The following NABP2 variants were observed in gnomAD, a reference collection of about 807,000 sequenced individuals.
NABP2 encodes the protein SOSS complex subunit B1.
Under a neutral mutation model 22.7 loss-of-function variants are expected in NABP2, and 7 were observed. The ratio of observed to expected loss-of-function variants is 0.31; its 90% CI spans 0.18 to 0.58. The LOEUF is 0.58. NABP2 is among the 20% of genes least tolerant of loss of function. NABP2 has a pLI of 0.89. For synonymous variants in NABP2, 107 were observed against 99.2 expected, an observed-to-expected ratio of 1.08 and a Z score of -0.47; for missense variants, 188 against 265.9, an observed-to-expected ratio of 0.71 and a Z score of 2.04.
Position 56,224,392 on chromosome 12 carries a change from TC to T in NABP2, c.-68del. On this transcript the variant is annotated 5_prime_UTR_variant, in exon 1 of 7. Coordinates refer to ENST00000267023, the MANE Select transcript of NABP2 (RefSeq NM_024068.4). ...ATCCGGCGGCAGCGGAGCCTGTGGC[TC>T]CCCCTGCGGGCTGCTCAGCGGCGTG... 1.0e-6 allele frequency: 1 copy of T among 990,916 alleles called. No individual in the cohort carries two copies. Among genetic ancestry groups the T allele is most frequent in the Non-Finnish European group, 1.2e-6 (1 of 832,038 alleles). The allele number at this position is 990,916 out of a possible 1,614,324, so 61.4% of individuals were successfully genotyped here. A position where few individuals can be genotyped will look rare whatever the true frequency, so the allele number is the denominator to read the frequency against.
intron 6 of NABP2, 106 bp downstream of exon 6, chr12:56,226,525 T>G (rs1869773255): frequency 1.0e-6 from 1 of 968,002 alleles, no homozygotes; most frequent in East Asian, 2.5e-5. Flanking sequence ...CTTTTCTCAG[T>G]GTATCCTCCT....
Position 56,229,251 on chromosome 12 carries a change from A to G in NABP2, c.*38A>G, listed in dbSNP as rs192223260. 2.0e-5 allele frequency: 32 copies of G among 1,608,648 alleles called. No individual in the cohort carries two copies. In the Admixed American group the frequency reaches 2.7e-4, roughly 13 times the overall value. ...TCTTCCTGCCACCAACCACATCCCA[A>G]GTGTCCCCTGGAGAGCAAGATAGCC... On this transcript the variant is annotated 3_prime_UTR_variant, in exon 7 of 7. Transcript: ENST00000267023.
chr12:56,226,939 G>A (rs2135833289), intron 6 of NABP2, among the ~76,000 whole-genome samples: 1 of 150,870 alleles, frequency 6.6e-6, no homozygotes, highest in Non-Finnish European at 1.5e-5. Flanking sequence ...GCCCAGGCTG[G>A]TCTCGAACTC....
chr12:56,226,057 C>G (rs1202556544), intron 4 of NABP2, 122 bp from the exon 5 acceptor site: 2 of 859,658 alleles, frequency 2.3e-6, no homozygotes, highest in Non-Finnish European at 3.8e-6. Flanking sequence ...CCGCTTCTGC[C>G]TCCCAAAGTG....
Position 56,229,246 on chromosome 12 carries a change from TC to T in NABP2, c.*36del, listed in dbSNP as rs1382258872. On this transcript the variant is annotated 3_prime_UTR_variant, in exon 7 of 7. Coordinates refer to ENST00000267023, the MANE Select transcript of NABP2 (RefSeq NM_024068.4). Reference sequence around the variant, plus strand: ...TTCTTTCTTCCTGCCACCAACCACATCCCAAGTGTCCCCTGGAGAGCAAGAT... The same window carrying T: ...TTCTTTCTTCCTGCCACCAACCACATCCAAGTGTCCCCTGGAGAGCAAGAT... 1 of 1,608,846 alleles carries T rather than the reference TC, an allele frequency of 6.2e-7. No homozygotes were observed. The highest frequency in any genetic ancestry group is 8.5e-7 in the Non-Finnish European group (1 of 1,177,696).
rs1869985684 is a variant in NABP2, at chr12:56,229,233, G to A, written c.*20G>A. 6.2e-7 allele frequency: 1 copy of A among 1,611,408 alleles called. No individual in the cohort carries two copies. The highest frequency in any genetic ancestry group is 1.7e-5 in the Admixed American group (1 of 59,968). On this transcript the variant is annotated 3_prime_UTR_variant, in exon 7 of 7. Coordinates refer to ENST00000267023, the MANE Select transcript of NABP2 (RefSeq NM_024068.4). ...AGATAGCATGACATTCTTTCTTCCT[G>A]CCACCAACCACATCCCAAGTGTCCC...
intron 6 of NABP2, among the ~76,000 whole-genome samples, chr12:56,227,121 T>A (rs555214617): frequency 1.0e-3 from 154 of 151,536 alleles, no homozygotes; most frequent in Non-Finnish European, 1.6e-3. Flanking sequence ...ATGCCTATAA[T>A]CTCAGCACTT....
rs762855860 is a variant in NABP2 at position 56,224,377 on chromosome 12, A to C, written c.-88A>C. 130 of 990,458 alleles carry C rather than the reference A, an allele frequency of 1.3e-4. No individual in the cohort carries two copies. The African/African-American group carries it at 2.1e-3, about 16-fold the overall frequency. 61.4% of individuals were successfully genotyped at this position (990,458 alleles called of 1,614,324 possible). A position where few individuals can be genotyped will look rare whatever the true frequency, so the allele number is the denominator to read the frequency against. On this transcript the variant is annotated 5_prime_UTR_variant, in exon 1 of 7. Transcript: ENST00000267023. ...GTTCCACGGGGCAGCATCCGGCGGC[A>C]GCGGAGCCTGTGGCTCCCCCTGCGG...
rs541320526 is a variant in NABP2, at chr12:56,224,458, G to A, written c.-24+17G>A. The A allele has an allele frequency of 3.3e-5, 34 of 1,038,586 alleles. No homozygotes were observed. The highest frequency in any genetic ancestry group is 3.7e-5 in the Non-Finnish European group (32 of 857,192). 64.3% of individuals were successfully genotyped at this position (1,038,586 alleles called of 1,614,324 possible). A position where few individuals can be genotyped will look rare whatever the true frequency, so the allele number is the denominator to read the frequency against. ...CTGGCTTGGGTGGGTGGTGGGCTGC[G>A]GGTAGGGGAGGGGATGGACCGAGTC... On this transcript the variant is annotated intron_variant, in intron 1 of 6. Transcript: ENST00000267023.
At chr12:56,223,014 T>C (rs1409500065), upstream of NABP2, among the ~76,000 whole-genome samples, 1 of 152,108 alleles carries the variant, frequency 6.6e-6, no homozygotes. Context: ...GGCTGGTGGA[T>C]CACGAGGTCA....
Position 56,225,670 on chromosome 12 carries a change from G to A in NABP2, c.265G>A (p.Gly89Arg). The change falls in exon 4 of 7, where the codon GGG becomes AGG. Residue 89 changes from glycine to arginine, a missense_variant. By Grantham distance (125) the Gly-to-Arg change is moderately radical (BLOSUM62 -2). Coordinates refer to ENST00000267023, the MANE Select transcript of NABP2 (RefSeq NM_024068.4). Reference sequence around the variant, plus strand: ...TTGTCTGACACTATATACTGGCCGTGGGGGTGATCTGCAGAAGATTGGAGA... The same window carrying A: ...TTGTCTGACACTATATACTGGCCGTAGGGGTGATCTGCAGAAGATTGGAGA... ...KGCLTLYTGRGGDLQKIGEFC... is the reference protein window; with the variant it reads ...KGCLTLYTGRRGDLQKIGEFC... 1 of 1,614,194 alleles carries A rather than the reference G, an allele frequency of 6.2e-7. No individual in the cohort carries two copies. Among genetic ancestry groups the A allele is most frequent in the Non-Finnish European group, 8.5e-7 (1 of 1,180,040 alleles).
chr12:56,229,087 T>TTGGGGGCCCCCCCC lies in NABP2; in HGVS notation c.510_511insTGGGGGCCCCCCCC (p.Pro171TrpfsTer67). On this transcript the variant is annotated frameshift_variant, in exon 7 of 7. Transcript: ENST00000267023. LOFTEE classifies it high-confidence loss of function. Reference sequence around the variant, plus strand: ...GTGGTGGCCCACATCCCCCTCATACTCCCTCCCACCCACCCAGCACCCGAA... The same window carrying TTGGGGGCCCCCCCC: ...GTGGTGGCCCACATCCCCCTCATACTTGGGGGCCCCCCCCCCCTCCCACCCACCCAGCACCCGAA... 6.6e-7 allele frequency: 1 copy of TTGGGGGCCCCCCCC among 1,512,346 alleles called. No individual in the cohort carries two copies. The highest frequency in any genetic ancestry group is 9.1e-7 in the Non-Finnish European group (1 of 1,102,014). The allele number at this position is 1,512,346 out of a possible 1,614,324, so 93.7% of individuals were successfully genotyped here. A position where few individuals can be genotyped will look rare whatever the true frequency, so the allele number is the denominator to read the frequency against.
At chr12:56,222,472 G>A (rs957406974), upstream of NABP2, among the ~76,000 whole-genome samples, 37 of 152,208 alleles carry the variant, frequency 2.4e-4, no homozygotes, top group African/African-American at 8.9e-4. Context: ...CTCTCCTGCC[G>A]TATCCACGAT....
intron 2 of NABP2, 33 bp downstream of exon 2, chr12:56,224,968 G>A (rs1395006117): frequency 6.7e-7 from 1 of 1,490,874 alleles, no homozygotes; most frequent in Admixed American, 1.7e-5. Flanking sequence ...TTCGCGGGAT[G>A]GGGGTCGGGG....
At chr12:56,227,918 C>T (rs1268668917) in intron 6 of NABP2, among the ~76,000 whole-genome samples, 8 of 152,266 alleles carry the variant, frequency 5.3e-5, no homozygotes, top group Admixed American at 2.0e-4. Flanking sequence ...ACTAGCTGGG[C>T]GCAGTGGCTC....
chr12:56,224,978 G>A, intron 2 of NABP2, 43 bp downstream of exon 2: 2 of 1,411,044 alleles, frequency 1.4e-6, no homozygotes, highest in Non-Finnish European at 2.0e-6. Context: ...GGGGGTCGGG[G>A]GCAGGAGGGG....
At chr12:56,226,901 T>C (rs1182431605) in intron 6 of NABP2, among the ~76,000 whole-genome samples, 1 of 151,178 alleles carries the variant, frequency 6.6e-6, no homozygotes, top group Non-Finnish European at 1.5e-5. Context: ...TTTTTTGTAT[T>C]TTAGTAGAGA....
intron 1 of NABP2, 159 bp downstream of exon 1, chr12:56,224,600 TA>T: frequency 8.1e-7 from 1 of 1,228,936 alleles, no homozygotes; most frequent in South Asian, 2.1e-5. Context: ...GGCTTGAGAC[TA>T]AAAGAGCATC....
chr12:56,226,423 A>G lies in NABP2; in HGVS notation c.436+4A>G. On this transcript the variant is annotated splice_donor_region_variant and intron_variant, in intron 6 of 6. Coordinates refer to ENST00000267023, the MANE Select transcript of NABP2 (RefSeq NM_024068.4). ...GGACCCTCTGCTGCCTCTCCAGGTA[A>G]ATCTGTTCCCTTCTATCCACTGGTC... 6.2e-7 allele frequency: 1 copy of G among 1,612,642 alleles called. No homozygotes were observed. Among genetic ancestry groups the G allele is most frequent in the Non-Finnish European group, 8.5e-7 (1 of 1,179,864 alleles).
Sources: gnomAD v4.1 joint callset for allele counts (sites outside exome capture counted in the v4.1 genomes callset) on GRCh38, gnomAD v4.1.1 for gene constraint, MANE v1.5 for transcripts, NCBI Gene and HGNC (gene_info 2026-07-23, HGNC 2026-07-21) for gene names.